PITPNM2: variants seen among roughly 807,000 people sequenced by gnomAD.
PITPNM2 encodes membrane-associated phosphatidylinositol transfer protein 2.
PITPNM2 carries 35 observed loss-of-function variants against 132.2 expected under a neutral mutation model. The ratio of observed to expected loss-of-function variants is 0.26; its 90% confidence interval spans 0.20 to 0.35. The LOEUF (loss-of-function observed/expected upper bound fraction) is 0.35. Among genes scored for constraint, PITPNM2 ranks in the 10% least tolerant of loss-of-function variants. The pLI, the probability that PITPNM2 is intolerant of heterozygous loss-of-function variation, is 1.00. For missense variants in PITPNM2, 1,332 were observed against 1,912.0 expected (o/e 0.70, Z 5.66); for synonymous variants, 738 against 799.2 (o/e 0.92, Z 1.29).
chr12:123,097,222 T>C lies in PITPNM2; in HGVS notation c.-96+13163A>G, dbSNP rs2137180164. On this transcript the variant is annotated intron_variant, in intron 2 of 25. Transcript: ENST00000320201. This position sits in a 1 kb window ranked among gnomAD's most constrained non-coding sequence, Gnocchi z 4.7. ...CACGCCCAGCTAATTTTTGTACTTTTAGTAGAGACGGGGTTTTGCCATGTT... is the reference window on the plus strand; with the variant it reads ...CACGCCCAGCTAATTTTTGTACTTTCAGTAGAGACGGGGTTTTGCCATGTT... 6.6e-6 allele frequency among the ~76,000 whole-genome samples: 1 copy of C among 152,210 alleles called. No homozygotes were observed. Among genetic ancestry groups the C allele is most frequent in the African/African-American group, 2.4e-5 (1 of 41,542 alleles).
rs1235630253 is a variant in PITPNM2 at position 123,058,311 on chromosome 12, C to T, written c.-95-23626G>A. Among the ~76,000 whole-genome samples, 1 of 152,164 alleles carries T rather than the reference C, an allele frequency of 6.6e-6. No individual in the cohort carries two copies. The highest frequency in any genetic ancestry group is 1.5e-5 in the Non-Finnish European group (1 of 68,026). ...ATGGGAAGAACACCTGCTATGTCTC[C>T]CTCTAATTTGCCTTCTGCCTCCATC... On this transcript the variant is annotated intron_variant, in intron 2 of 25. Coordinates refer to ENST00000320201, the MANE Select transcript of PITPNM2 (RefSeq NM_020845.3). This position sits in a 1 kb window ranked among gnomAD's most constrained non-coding sequence, Gnocchi z 4.0.
At chr12:123,092,982 C>A (rs773977833) in intron 2 of PITPNM2, among the ~76,000 whole-genome samples, 1 of 152,186 alleles carries the variant, frequency 6.6e-6, no homozygotes, top group South Asian at 2.1e-4. Context: ...CACTTGTGAT[C>A]CATGGATGTG....
intron 3 of PITPNM2, among the ~76,000 whole-genome samples, chr12:123,018,591 C>T (rs533368999): frequency 2.0e-5 from 3 of 150,960 alleles, no homozygotes; most frequent in South Asian, 2.1e-4. Context: ...TGAGCCACTA[C>T]GCCCAGACAT....
At chr12:123,055,920 A>C (rs893417271) in intron 2 of PITPNM2, among the ~76,000 whole-genome samples, 5 of 152,030 alleles carry the variant, frequency 3.3e-5, no homozygotes, top group Non-Finnish European at 7.3e-5. Flanking sequence ...ACACACTTGC[A>C]AGATGTTAGT....
At chr12:123,102,951 T>A (rs1237861587) in intron 2 of PITPNM2, among the ~76,000 whole-genome samples, 1 of 152,206 alleles carries the variant, frequency 6.6e-6, no homozygotes. Flanking sequence ...TAGAGACAGG[T>A]CTCACTCAGT....
chr12:123,058,718 A>G lies in PITPNM2; in HGVS notation c.-95-24033T>C, dbSNP rs2041127451. ...ATTTGCTCAAGGCCCCAAGCGCTGT[A>G]GAAGCTGGTAACTGTTGCCTGAGGC... On this transcript the variant is annotated intron_variant, in intron 2 of 25. Coordinates refer to ENST00000320201, the MANE Select transcript of PITPNM2 (RefSeq NM_020845.3). This position sits in a 1 kb window ranked among gnomAD's most constrained non-coding sequence, Gnocchi z 4.0. Among the ~76,000 whole-genome samples, 1 of 152,210 alleles carries G rather than the reference A, an allele frequency of 6.6e-6. No homozygotes were observed. The highest frequency in any genetic ancestry group is 1.5e-5 in the Non-Finnish European group (1 of 68,030).
chr12:123,149,756 A>T (rs2043689110), intron 1 of PITPNM2: 1 of 152,680 alleles, frequency 6.5e-6, no homozygotes, highest in Non-Finnish European at 1.5e-5. Flanking sequence ...GGGGAGATTC[A>T]GATGAAGGGG....
chr12:123,093,318 G>A (rs1236120528), intron 2 of PITPNM2, among the ~76,000 whole-genome samples: 1 of 152,094 alleles, frequency 6.6e-6, no homozygotes, highest in Non-Finnish European at 1.5e-5. Context: ...CATTGTAAGA[G>A]AATAGAAGAA....
chr12:123,085,666 T>C (rs563836456), intron 2 of PITPNM2, among the ~76,000 whole-genome samples: 1 of 152,284 alleles, frequency 6.6e-6, no homozygotes, highest in Non-Finnish European at 1.5e-5. Context: ...GAAAATTTTA[T>C]GTTATGTATA....
intron 1 of PITPNM2, among the ~76,000 whole-genome samples, chr12:123,149,496 T>C (rs949142): frequency 0.67 from 102,055 of 152,068 alleles, 37,080 homozygotes; most frequent in East Asian, 0.97. Flanking sequence ...AGACAAGCTA[T>C]GGTCCCAGAG....
intron 5 of PITPNM2, 150 bp from the exon 6 acceptor site, chr12:123,010,227 C>T (rs2136233417): frequency 3.1e-6 from 2 of 644,552 alleles, no homozygotes; most frequent in South Asian, 3.9e-5. Flanking sequence ...TTCTGGGCAG[C>T]TCTGACCTCA....
intron 3 of PITPNM2, among the ~76,000 whole-genome samples, chr12:123,020,169 G>A (rs2039610696): frequency 6.6e-6 from 1 of 152,168 alleles, no homozygotes; most frequent in African/African-American, 2.4e-5. Flanking sequence ...CACCCAGGCT[G>A]GAGTGCTATG....
chr12:123,086,221 T>C (rs578093545), intron 2 of PITPNM2, among the ~76,000 whole-genome samples: 1 of 152,294 alleles, frequency 6.6e-6, no homozygotes, highest in African/African-American at 2.4e-5. Context: ...ACCTTCCTGC[T>C]CCCTGGCTAC....
chr12:123,081,712 T>G (rs1414262591), intron 2 of PITPNM2: 1 of 152,064 alleles, frequency 6.6e-6, no homozygotes, highest in Non-Finnish European at 1.5e-5. Flanking sequence ...TGCAGGAGCC[T>G]CCTGAGAGGT....
chr12:123,000,735 C>A lies in PITPNM2; in HGVS notation c.1224+43G>T. 6.2e-7 allele frequency: 1 copy of A among 1,603,832 alleles called. No individual in the cohort carries two copies. Among genetic ancestry groups the A allele is most frequent in the South Asian group, 1.1e-5 (1 of 90,210 alleles). ...CTATTCCTCTGCACCCTGCCCCTCC[C>A]TTGGCGGCCATGCCCCTGTCCCTCT... is the stretch of plus-strand genomic sequence containing the variant. On this transcript the variant is annotated intron_variant, in intron 10 of 25. Coordinates refer to ENST00000320201, the MANE Select transcript of PITPNM2 (RefSeq NM_020845.3). The surrounding 1 kb of genome is among the most constrained non-coding windows in gnomAD (Gnocchi z 5.4).
intron 2 of PITPNM2, among the ~76,000 whole-genome samples, chr12:123,101,736 T>C (rs989163471): frequency 2.6e-5 from 4 of 152,086 alleles, no homozygotes; most frequent in Non-Finnish European, 5.9e-5. Flanking sequence ...CAAGTTCCCT[T>C]TTCTTGGGGG....
intron 1 of PITPNM2, among the ~76,000 whole-genome samples, chr12:123,135,683 G>A (rs528364477): frequency 6.6e-6 from 1 of 152,200 alleles, no homozygotes; most frequent in South Asian, 2.1e-4. Context: ...GTTATTCCAC[G>A]TGGCAGGATT....
intron 2 of PITPNM2, among the ~76,000 whole-genome samples, chr12:123,073,584 G>A (rs775276442): frequency 6.2e-4 from 94 of 152,164 alleles, no homozygotes; most frequent in Non-Finnish European, 9.9e-4. Flanking sequence ...CTACTACCCT[G>A]AGCCACCAAT....
Position 123,009,786 on chromosome 12 carries a change from A to G in PITPNM2, c.643+64T>C. 1.4e-6 allele frequency: 2 copies of G among 1,421,302 alleles called. No individual in the cohort carries two copies. The highest frequency in any genetic ancestry group is 4.6e-5 in the East Asian group (2 of 43,764). The allele number at this position is 1,421,302 out of a possible 1,614,324, so 88.0% of individuals were successfully genotyped here. On this transcript the variant is annotated intron_variant, in intron 6 of 25. Coordinates refer to ENST00000320201, the MANE Select transcript of PITPNM2 (RefSeq NM_020845.3). This position sits in a 1 kb window ranked among gnomAD's most constrained non-coding sequence, Gnocchi z 4.8. ...ATGCAAAGAGAGGAGGCAGACAGGCAGGTGACAGGAGACAGAGGGGTTGGG... is the reference window on the plus strand; with the variant it reads ...ATGCAAAGAGAGGAGGCAGACAGGCGGGTGACAGGAGACAGAGGGGTTGGG...
Sources: allele counts gnomAD v4.1 joint callset (sites outside exome capture counted in the v4.1 genomes callset), GRCh38; gene constraint gnomAD v4.1.1; non-coding constraint Gnocchi (gnomAD v3.1); transcripts MANE v1.5; gene names NCBI Gene and HGNC (gene_info 2026-07-23, HGNC 2026-07-21).